STXBP5L: variants seen among roughly 807,000 people sequenced by gnomAD.
STXBP5L encodes syntaxin binding protein 5L, also known as syntaxin-binding protein 5-like.
Under a neutral mutation model 144.5 loss-of-function variants are expected in STXBP5L, and 65 were observed. The observed-to-expected ratio is 0.45, with a 90% CI of 0.37 to 0.55. STXBP5L has a LOEUF of 0.55. Ranked by LOEUF, STXBP5L falls within the 20% of genes least tolerant of loss-of-function variation. STXBP5L has a pLI of 0.00. For synonymous variants in STXBP5L, 505 were observed against 469.6 expected, an observed-to-expected ratio of 1.08 and a Z score of -0.97; for missense variants, 1,298 against 1,405.5, an observed-to-expected ratio of 0.92 and a Z score of 1.22.
intron 18 of STXBP5L, among the ~76,000 whole-genome samples, chr3:121,278,702 A>G (rs571057110): frequency 1.1e-4 from 17 of 152,092 alleles, no homozygotes; most frequent in Admixed American, 2.0e-4. Context: ...AGATAAATGT[A>G]GAAGTGTAAT....
At chr3:121,317,818 A>G (rs2043834419) in intron 19 of STXBP5L, among the ~76,000 whole-genome samples, 1 of 152,126 alleles carries the variant, frequency 6.6e-6, no homozygotes, top group Non-Finnish European at 1.5e-5. Flanking sequence ...TATAGTGCTT[A>G]TTATAAGGAA....
At chr3:121,063,724 T>C (rs1426251261) in intron 5 of STXBP5L, among the ~76,000 whole-genome samples, 1 of 152,160 alleles carries the variant, frequency 6.6e-6, no homozygotes, top group Non-Finnish European at 1.5e-5. Context: ...GGTCTGGCTA[T>C]AGCACCTTTG....
intron 9 of STXBP5L, among the ~76,000 whole-genome samples, chr3:121,204,837 G>A (rs1246613002): frequency 6.6e-6 from 1 of 152,134 alleles, no homozygotes; most frequent in Non-Finnish European, 1.5e-5. Context: ...GTTATGTGCA[G>A]AAGTAGCTTC....
intron 8 of STXBP5L, among the ~76,000 whole-genome samples, chr3:121,153,507 C>G (rs1339244715): frequency 5.3e-5 from 8 of 151,912 alleles, no homozygotes. Flanking sequence ...ATGAAACACA[C>G]ACACATTTAT....
chr3:121,084,592 T>G (rs192259041), intron 5 of STXBP5L, among the ~76,000 whole-genome samples: 66 of 152,354 alleles, frequency 4.3e-4, no homozygotes, highest in African/African-American at 1.6e-3. Context: ...CATATTTTCT[T>G]TATTCAGTCT....
At chr3:121,275,635 C>A (rs2050857794) in intron 18 of STXBP5L, among the ~76,000 whole-genome samples, 1 of 152,072 alleles carries the variant, frequency 6.6e-6, no homozygotes, top group South Asian at 2.1e-4. Flanking sequence ...GGAATGTTTG[C>A]ATACTACACC....
intron 19 of STXBP5L, among the ~76,000 whole-genome samples, chr3:121,299,492 C>T (rs922875837): frequency 6.6e-6 from 1 of 151,982 alleles, no homozygotes; most frequent in African/African-American, 2.4e-5. Context: ...ATTGCTTTAA[C>T]AATATATTGC....
At chr3:121,129,915 G>C (rs1221864960) in intron 7 of STXBP5L, among the ~76,000 whole-genome samples, 1 of 152,006 alleles carries the variant, frequency 6.6e-6, no homozygotes, top group Non-Finnish European at 1.5e-5. Flanking sequence ...AGGGTCTGGG[G>C]CATACAGAGC....
intron 21 of STXBP5L, among the ~76,000 whole-genome samples, chr3:121,380,701 T>G (rs1015110452): frequency 1.2e-4 from 19 of 152,100 alleles, no homozygotes; most frequent in Non-Finnish European, 1.5e-5. Context: ...TAGGACTGCA[T>G]TTGAATTAAA....
intron 1 of STXBP5L, among the ~76,000 whole-genome samples, 191 bp from the exon 2 acceptor site, chr3:120,909,380 T>A (rs73858210): frequency 0.017 from 2,571 of 152,278 alleles, 71 homozygotes; most frequent in African/African-American, 0.058. Context: ...TATCTTTTTT[T>A]AAAAAGGATA....
At chr3:121,276,801 G>A (rs1468708517) in intron 18 of STXBP5L, among the ~76,000 whole-genome samples, 1 of 151,638 alleles carries the variant, frequency 6.6e-6, no homozygotes, top group African/African-American at 2.4e-5. Context: ...TCAGCAATAT[G>A]ATTATGATGC....
chr3:121,187,209 T>C (rs2047422714), intron 9 of STXBP5L, among the ~76,000 whole-genome samples: 1 of 152,140 alleles, frequency 6.6e-6, no homozygotes, highest in Non-Finnish European at 1.5e-5. Flanking sequence ...CACCATGGAA[T>C]ACTATGCAGC....
chr3:121,206,800 C>T (rs372725456), intron 10 of STXBP5L, among the ~76,000 whole-genome samples: 83 of 152,072 alleles, frequency 5.5e-4, no homozygotes, highest in South Asian at 1.7e-3. Flanking sequence ...TGCAACAGAG[C>T]GAGACTCTGT....
chr3:120,976,861 G>A (rs1941094376), intron 3 of STXBP5L, among the ~76,000 whole-genome samples: 1 of 152,070 alleles, frequency 6.6e-6, no homozygotes. Flanking sequence ...GGTTTTGAGT[G>A]AGTTTCTTAA....
At chr3:121,047,490 T>C (rs1191098581) in intron 5 of STXBP5L, among the ~76,000 whole-genome samples, 1 of 152,128 alleles carries the variant, frequency 6.6e-6, no homozygotes, top group Non-Finnish European at 1.5e-5. Flanking sequence ...GGAATCTAAG[T>C]CTCTTTGTAG....
chr3:120,979,013 G>T (rs978341694), intron 3 of STXBP5L, among the ~76,000 whole-genome samples: 10 of 152,184 alleles, frequency 6.6e-5, no homozygotes, highest in Non-Finnish European at 1.3e-4. Context: ...CCCACTTGAG[G>T]AGGCAGTCTG....
At chr3:120,982,545 C>T (rs1277972321) in intron 3 of STXBP5L, among the ~76,000 whole-genome samples, 1 of 152,202 alleles carries the variant, frequency 6.6e-6, no homozygotes, top group Non-Finnish European at 1.5e-5. Flanking sequence ...TGGTTGTCTA[C>T]CTCCAGGCCA....
At chr3:121,387,757 G>T (rs759621787) in intron 22 of STXBP5L, among the ~76,000 whole-genome samples, 2 of 152,084 alleles carry the variant, frequency 1.3e-5, no homozygotes, top group African/African-American at 2.4e-5. Context: ...TGTTCCATTG[G>T]TCTATATCTC....
intron 9 of STXBP5L, among the ~76,000 whole-genome samples, chr3:121,186,668 T>G (rs532871062): frequency 2.2e-4 from 34 of 152,332 alleles, no homozygotes; most frequent in Admixed American, 3.9e-4. Context: ...TGGATAAGCT[T>G]TTTGATGTGC....
Sources: allele counts gnomAD v4.1 joint callset (sites outside exome capture counted in the v4.1 genomes callset), GRCh38; gene constraint gnomAD v4.1.1; transcripts MANE v1.5; gene names NCBI Gene and HGNC (gene_info 2026-07-23, HGNC 2026-07-21).